NEO1: variants seen among roughly 807,000 people sequenced by gnomAD.
The protein encoded by NEO1 is neogenin.
A neutral mutation model predicts 159.7 loss-of-function variants in NEO1; 63 were observed. The ratio of observed to expected loss-of-function variants is 0.39; its 90% confidence interval spans 0.32 to 0.49. The LOEUF (loss-of-function observed/expected upper bound fraction) is 0.49. Ranked by LOEUF, NEO1 falls within the 20% of genes least tolerant of loss-of-function variation. The probability of loss-of-function intolerance (pLI) is 0.85; values close to 1 mark genes in which losing one functional copy is unlikely to be tolerated. For synonymous variants in NEO1, 633 were observed against 662.0 expected (o/e 0.96, Z 0.67); for missense variants, 1,615 against 1,831.0 (o/e 0.88, Z 2.15).
chr15:73,249,298 G>A, intron 10 of NEO1, 90 bp downstream of exon 10: 1 of 1,361,612 alleles, frequency 7.3e-7, no homozygotes, highest in South Asian at 1.4e-5. Context: ...GACTGGAAAT[G>A]TGAGGGGGAA....
intron 5 of NEO1, among the ~76,000 whole-genome samples, chr15:73,174,756 A>T: frequency 6.6e-6 from 1 of 152,224 alleles, no homozygotes; most frequent in East Asian, 1.9e-4. Flanking sequence ...AAAATTATAA[A>T]CACTCTAATT....
At chr15:73,297,677 A>T (rs2042430206) in intron 26 of NEO1, among the ~76,000 whole-genome samples, 1 of 152,250 alleles carries the variant, frequency 6.6e-6, no homozygotes, top group African/African-American at 2.4e-5. Context: ...GATTGTTATC[A>T]TGTTCTTCCT....
chr15:73,114,010 T>C (rs909673029), intron 1 of NEO1, among the ~76,000 whole-genome samples: 3 of 152,170 alleles, frequency 2.0e-5, no homozygotes, highest in Non-Finnish European at 4.4e-5. Context: ...CCTCTCTACT[T>C]TAACTTAAAG....
chr15:73,254,136 G>A (rs1019532081), intron 12 of NEO1, among the ~76,000 whole-genome samples: 2 of 152,134 alleles, frequency 1.3e-5, no homozygotes, highest in African/African-American at 4.8e-5. Context: ...GTTGCAGTGA[G>A]CCATGATTAT....
intron 1 of NEO1, among the ~76,000 whole-genome samples, chr15:73,059,747 A>G (rs747098012): frequency 6.6e-6 from 1 of 152,134 alleles, no homozygotes; most frequent in Non-Finnish European, 1.5e-5. Context: ...GAGTAGTCCT[A>G]ACTTAGTTTT....
intron 1 of NEO1, among the ~76,000 whole-genome samples, chr15:73,095,223 A>G (rs1360929289): frequency 1.3e-5 from 2 of 150,450 alleles, no homozygotes; most frequent in Non-Finnish European, 3.0e-5. Context: ...AAAAAAAAAA[A>G]CTTAACAGCT....
intron 7 of NEO1, among the ~76,000 whole-genome samples, chr15:73,209,032 A>G (rs1160718063): frequency 6.6e-6 from 1 of 152,224 alleles, no homozygotes; most frequent in Non-Finnish European, 1.5e-5. Flanking sequence ...TTGTGACAGG[A>G]TAAGTGGATG....
chr15:73,283,041 G>T lies in NEO1; in HGVS notation c.3340G>T (p.Val1114Phe), dbSNP rs778709112. ...MLLVIIVSVG[V>F]ITIVVVVIIA... ...GCTGGTCATAATTGTTTCTGTTGGC[G>T]TCATCACCATCGTGGTGGTTGTGAT... Residue 1114 changes from valine (V) to phenylalanine (F), a missense_variant, in exon 23 of 29, where the codon GTC becomes TTC. By Grantham distance (50) the Val-to-Phe change is conservative (BLOSUM62 -1). Around this residue, in one of 3 missense-constraint regions of NEO1, gnomAD observed 471 missense variants for 498.9 expected, o/e 0.94. Coordinates refer to ENST00000261908, the MANE Select transcript of NEO1 (RefSeq NM_002499.4). 2 of 1,614,112 alleles carry T rather than the reference G, an allele frequency of 1.2e-6. No individual in the cohort carries two copies. The highest frequency in any genetic ancestry group is 1.7e-6 in the Non-Finnish European group (2 of 1,180,026).
intron 7 of NEO1, among the ~76,000 whole-genome samples, chr15:73,199,069 CATTAGAT>C (rs2036704227): frequency 6.7e-6 from 1 of 148,826 alleles, no homozygotes; most frequent in Non-Finnish European, 1.5e-5. Flanking sequence ...CATTGTGTTT[CATTAGAT>C]TCTTCTTGGC....
intron 13 of NEO1, 50 bp from the exon 14 acceptor site, chr15:73,258,716 G>GT: frequency 1.4e-6 from 2 of 1,481,350 alleles, no homozygotes; most frequent in East Asian, 4.5e-5. Flanking sequence ...TTAATCTTTT[G>GT]TTTTTCCAAA....
intron 1 of NEO1, among the ~76,000 whole-genome samples, chr15:73,082,934 C>T (rs1349717526): frequency 6.6e-6 from 1 of 152,146 alleles, no homozygotes; most frequent in Non-Finnish European, 1.5e-5. Flanking sequence ...GATACAGACC[C>T]TGGCTAAAAT....
At chr15:73,146,358 C>CA (rs1380795189) in intron 5 of NEO1, among the ~76,000 whole-genome samples, 1 of 152,178 alleles carries the variant, frequency 6.6e-6, no homozygotes, top group Admixed American at 6.5e-5. Flanking sequence ...GATAAGATGT[C>CA]AGACAGTAAA....
At chr15:73,082,125 C>T (rs7165610) in intron 1 of NEO1, among the ~76,000 whole-genome samples, 47,348 of 151,712 alleles carry the variant, frequency 0.31, 8,972 homozygotes, top group Admixed American at 0.45. Context: ...CTGCCCAACT[C>T]GGCCTCCCAG....
At chr15:73,206,822 CGT>C (rs779357797) in intron 7 of NEO1, among the ~76,000 whole-genome samples, 2 of 102,220 alleles carry the variant, frequency 2.0e-5, no homozygotes, top group Non-Finnish European at 4.2e-5. Flanking sequence ...TTTTCTTTTT[CGT>C]GTGTGTGTGT....
rs562421907 is a variant in NEO1 at position 73,229,536 on chromosome 15, T to G, written c.1292-6811T>G. Among the ~76,000 whole-genome samples, 3 of 152,060 alleles carry G rather than the reference T, an allele frequency of 2.0e-5. No homozygotes were observed. The South Asian group carries it at 6.2e-4, about 32-fold the overall frequency. On this transcript the variant is annotated intron_variant, in intron 7 of 28. Coordinates refer to ENST00000261908, the MANE Select transcript of NEO1 (RefSeq NM_002499.4). ...ACATGAAAATAGTGTTATTTCTTCC[T>G]TTCCCATCAGTATTTCCTTTTTCTC...
intron 1 of NEO1, among the ~76,000 whole-genome samples, chr15:73,061,490 T>C (rs549502231): frequency 6.6e-6 from 1 of 152,290 alleles, no homozygotes; most frequent in South Asian, 2.1e-4. Context: ...AGAAAGGAAG[T>C]GTGACCAGGA....
At chr15:73,195,431 G>T (rs1008322756) in intron 7 of NEO1, among the ~76,000 whole-genome samples, 1 of 152,016 alleles carries the variant, frequency 6.6e-6, no homozygotes, top group Non-Finnish European at 1.5e-5. Context: ...TTCATTTTAG[G>T]TTATAGTGTT....
intron 7 of NEO1, among the ~76,000 whole-genome samples, chr15:73,234,443 A>G (rs1034921396): frequency 1.1e-4 from 16 of 152,260 alleles, no homozygotes; most frequent in African/African-American, 3.6e-4. Flanking sequence ...CCTTTATCTC[A>G]GCATCTAATC....
At chr15:73,116,476 T>C (rs914189665) in intron 1 of NEO1, 64 bp from the exon 2 acceptor site, 5 of 1,394,218 alleles carry the variant, frequency 3.6e-6, no homozygotes, top group African/African-American at 1.4e-5. Flanking sequence ...GTTAGTAATA[T>C]ATTTTCTGAC....
Sources: allele counts gnomAD v4.1 joint callset (sites outside exome capture counted in the v4.1 genomes callset), GRCh38; gene constraint gnomAD v4.1.1; regional missense constraint gnomAD v4.1.1; transcripts MANE v1.5; gene names NCBI Gene and HGNC (gene_info 2026-07-23, HGNC 2026-07-21).